Variants in CDH18 observed in about 807,000 individuals in gnomAD.
The protein encoded by CDH18 is cadherin-18.
In CDH18, 31 loss-of-function variants were observed where a neutral mutation model predicts 67.9. The observed-to-expected ratio is 0.46, with a 90% CI of 0.34 to 0.62. The LOEUF (loss-of-function observed/expected upper bound fraction) is 0.62, where lower values mean the gene tolerates loss of function less well. Ranked by LOEUF, CDH18 falls within the 20% of genes least tolerant of loss-of-function variation. The pLI is 0.01. For synonymous variants in CDH18, 362 were observed against 347.2 expected (o/e 1.04, Z -0.48); for missense variants, 890 against 975.5 (o/e 0.91, Z 1.17).
intron 2 of CDH18, among the ~76,000 whole-genome samples, chr5:20,114,899 C>T (rs6862898): frequency 0.037 from 5,682 of 152,118 alleles, 382 homozygotes; most frequent in African/African-American, 0.13. Flanking sequence ...AGAGTCACAT[C>T]TGTAGTAGAG....
chr5:20,418,905 T>C (rs1388825384), intron 1 of CDH18, among the ~76,000 whole-genome samples: 2 of 152,024 alleles, frequency 1.3e-5, no homozygotes, highest in East Asian at 3.9e-4. Flanking sequence ...GGATTAATGC[T>C]TTTATACAAC....
At chr5:20,482,279 A>G (rs1422952970) in intron 1 of CDH18, among the ~76,000 whole-genome samples, 1 of 152,068 alleles carries the variant, frequency 6.6e-6, no homozygotes, top group Non-Finnish European at 1.5e-5. Context: ...AAGTAATGAG[A>G]TTAAAACCAT....
intron 2 of CDH18, among the ~76,000 whole-genome samples, chr5:20,035,992 G>A (rs944530471): frequency 7.9e-5 from 12 of 151,912 alleles, no homozygotes; most frequent in Admixed American, 4.6e-4. Context: ...GTCATTTTTT[G>A]TTGAAGTTTG....
At chr5:19,948,971 T>C (rs1795527952) in intron 2 of CDH18, among the ~76,000 whole-genome samples, 1 of 152,182 alleles carries the variant, frequency 6.6e-6, no homozygotes, top group Non-Finnish European at 1.5e-5. Context: ...TCACAATGCC[T>C]AACTCTAAAC....
intron 2 of CDH18, among the ~76,000 whole-genome samples, chr5:19,970,987 C>G (rs1797967767): frequency 6.6e-6 from 1 of 151,770 alleles, no homozygotes; most frequent in Admixed American, 6.6e-5. Context: ...GTGCAGCAAT[C>G]CCATATTTCT....
chr5:20,286,821 C>T (rs1282560989), intron 1 of CDH18, among the ~76,000 whole-genome samples: 1 of 151,690 alleles, frequency 6.6e-6, no homozygotes, highest in Non-Finnish European at 1.5e-5. Context: ...TGTGTACTCC[C>T]TGAACAGATA....
chr5:20,048,040 T>TA (rs1357422637), intron 2 of CDH18, among the ~76,000 whole-genome samples: 2 of 151,822 alleles, frequency 1.3e-5, no homozygotes, highest in East Asian at 3.9e-4. Context: ...TTATCACTAT[T>TA]ATTAAAAATA....
intron 1 of CDH18, among the ~76,000 whole-genome samples, chr5:20,387,489 G>A (rs185938332): frequency 0.016 from 2,464 of 152,154 alleles, 28 homozygotes; most frequent in Non-Finnish European, 0.022. Context: ...GGGTTTTCTA[G>A]ATATACAATC....
chr5:20,021,518 G>A (rs565837618), intron 2 of CDH18, among the ~76,000 whole-genome samples: 7 of 152,158 alleles, frequency 4.6e-5, no homozygotes, highest in Non-Finnish European at 7.3e-5. Context: ...CCCCCTTGCT[G>A]TTCTCATGAT....
chr5:19,529,617 A>G (rs1211725181), intron 9 of CDH18, among the ~76,000 whole-genome samples: 1 of 152,142 alleles, frequency 6.6e-6, no homozygotes, highest in Non-Finnish European at 1.5e-5. Context: ...AGAATTATTA[A>G]AACAGTCTAG....
chr5:20,111,020 G>A (rs193087547), intron 2 of CDH18, among the ~76,000 whole-genome samples: 2 of 152,222 alleles, frequency 1.3e-5, no homozygotes, highest in Admixed American at 1.3e-4. Context: ...TAAAAGCTGA[G>A]TTAGGTAAGT....
At chr5:20,420,094 G>A (rs141188324) in intron 1 of CDH18, among the ~76,000 whole-genome samples, 3 of 151,208 alleles carry the variant, frequency 2.0e-5, no homozygotes, top group South Asian at 2.1e-4. Flanking sequence ...TGTGAGCCTG[G>A]AGACTCTGCT....
At chr5:20,392,213 T>C (rs574635981) in intron 1 of CDH18, among the ~76,000 whole-genome samples, 1 of 151,988 alleles carries the variant, frequency 6.6e-6, no homozygotes, top group African/African-American at 2.4e-5. Context: ...ACAGTGAGAA[T>C]GGTACCAAAT....
intron 3 of CDH18, among the ~76,000 whole-genome samples, chr5:19,759,135 C>A (rs964575305): frequency 2.6e-5 from 4 of 152,200 alleles, no homozygotes; most frequent in Non-Finnish European, 5.9e-5. Context: ...TTAATTTGCT[C>A]AAGCAATGAA....
chr5:20,351,505 A>C (rs1376792343), intron 1 of CDH18, among the ~76,000 whole-genome samples: 2 of 151,812 alleles, frequency 1.3e-5, no homozygotes, highest in East Asian at 3.9e-4. Flanking sequence ...ACACTTAATT[A>C]TTTCTTTATA....
At chr5:20,010,746 T>C (rs1174176046) in intron 2 of CDH18, among the ~76,000 whole-genome samples, 2 of 152,186 alleles carry the variant, frequency 1.3e-5, no homozygotes, top group South Asian at 2.1e-4. Context: ...GCTTTTTCTA[T>C]GTTTACATGT....
chr5:20,564,485 C>G (rs1351705584), intron 1 of CDH18, among the ~76,000 whole-genome samples: 1 of 151,792 alleles, frequency 6.6e-6, no homozygotes, highest in East Asian at 1.9e-4. Context: ...CACCATCTCT[C>G]TGGTTGGGCC....
intron 1 of CDH18, among the ~76,000 whole-genome samples, chr5:20,268,516 G>A (rs116562019): frequency 1.4e-3 from 218 of 152,196 alleles, no homozygotes; most frequent in African/African-American, 4.2e-3. Flanking sequence ...TAGGAGGACC[G>A]CTTGAGCCCA....
intron 5 of CDH18, among the ~76,000 whole-genome samples, chr5:19,704,834 T>C (rs945257758): frequency 1.3e-5 from 2 of 152,174 alleles, no homozygotes; most frequent in African/African-American, 4.8e-5. Flanking sequence ...TGTTGACAGA[T>C]CTTAGAGCCA....
Sources: allele counts gnomAD v4.1 joint callset (sites outside exome capture counted in the v4.1 genomes callset), GRCh38; gene constraint gnomAD v4.1.1; transcripts MANE v1.5; gene names NCBI Gene and HGNC (gene_info 2026-07-23, HGNC 2026-07-21).